The following SRGAP2 variants were observed in gnomAD, a reference collection of about 807,000 sequenced individuals.
The protein encoded by SRGAP2 is SLIT-ROBO Rho GTPase-activating protein 2.
In SRGAP2, 15 loss-of-function variants were observed where a neutral mutation model predicts 57.2. That is an observed-to-expected ratio of 0.26 (90% CI 0.18 to 0.40). SRGAP2 has a LOEUF of 0.40. SRGAP2 is among the 10% of genes least tolerant of loss of function. The pLI is 1.00. For synonymous variants in SRGAP2, 249 were observed against 248.0 expected, an observed-to-expected ratio of 1.00 and a Z score of -0.04; for missense variants, 520 against 669.6, an observed-to-expected ratio of 0.78 and a Z score of 2.47.
chr1:206,414,011 C>T (rs569434682), intron 10 of SRGAP2, among the ~76,000 whole-genome samples: 1 of 150,874 alleles, frequency 6.6e-6, no homozygotes, highest in African/African-American at 2.4e-5. Flanking sequence ...CACATTTGTT[C>T]ACTTTTCTTT....
chr1:206,430,564 A>G (rs1366370488), intron 14 of SRGAP2, among the ~76,000 whole-genome samples: 2 of 152,228 alleles, frequency 1.3e-5, no homozygotes, highest in African/African-American at 2.4e-5. Context: ...AAGTGTGGGT[A>G]TCTCCCACTG....
At chr1:206,306,984 G>C (rs1672249448) in intron 3 of SRGAP2, among the ~76,000 whole-genome samples, 1 of 151,282 alleles carries the variant, frequency 6.6e-6, no homozygotes, top group Non-Finnish European at 1.5e-5. Context: ...CTAAACACAG[G>C]GTGCTGATTG....
intron 7 of SRGAP2, among the ~76,000 whole-genome samples, chr1:206,397,163 G>T (rs1553353790): frequency 6.6e-6 from 1 of 152,032 alleles, no homozygotes; most frequent in Non-Finnish European, 1.5e-5. Context: ...TTTGCCCATT[G>T]TAGAACTTCA....
At chr1:206,413,123 G>A (rs1659361705) in intron 10 of SRGAP2, among the ~76,000 whole-genome samples, 1 of 152,224 alleles carries the variant, frequency 6.6e-6, no homozygotes, top group Non-Finnish European at 1.5e-5. Context: ...GGAATCACAA[G>A]TAGTGAGAGG....
rs556156798 is a variant in SRGAP2 at position 206,432,705 on chromosome 1, G to A, written c.1555+2483G>A. ...ATGTAGAATACTACAGATGCTCCTC[G>A]GCCTCTAATGGGGTTACGTACGCAT... On this transcript the variant is annotated intron_variant, in intron 14 of 22. Transcript: ENST00000573034. 7.9e-5 allele frequency among the ~76,000 whole-genome samples: 12 copies of A among 152,288 alleles called. No individual in the cohort carries two copies. In the South Asian group the frequency reaches 1.7e-3, roughly 21 times the overall value.
At chr1:206,272,402 AT>A (rs1376634395) in intron 2 of SRGAP2, among the ~76,000 whole-genome samples, 1 of 150,822 alleles carries the variant, frequency 6.6e-6, no homozygotes, top group Non-Finnish European at 1.5e-5. Context: ...CTATAAATTA[AT>A]TTTTTTATTT....
rs180746316 is a variant in SRGAP2, at chr1:206,426,105, A to G, written c.1495-4057A>G. Among the ~76,000 whole-genome samples, 5 of 151,646 alleles carry G rather than the reference A, an allele frequency of 3.3e-5. No homozygotes were observed. In the East Asian group the frequency reaches 9.7e-4, roughly 29 times the overall value. On this transcript the variant is annotated intron_variant, in intron 13 of 22. Transcript: ENST00000573034. ...CAGGTGAGCCACCTCACCTGGCCCA[A>G]CCTCACTTCTTGACCCCTCACTCCC...
Position 206,230,714 on chromosome 1 carries a change from C to T in SRGAP2, c.67+24677C>T, listed in dbSNP as rs1298012648. On this transcript the variant is annotated intron_variant, in intron 2 of 22. Transcript: ENST00000573034. ...CGATCTCGGCTCACTGCAACCTCCA[C>T]CTCCCGGGTTCAAGCAATTCTCCTG... is the stretch of plus-strand genomic sequence containing the variant. Among the ~76,000 whole-genome samples the T allele has an allele frequency of 3.5e-5, 5 of 141,588 alleles. No homozygotes were observed. In the East Asian group the frequency reaches 1.1e-3, roughly 30 times the overall value. The allele number at this position is 141,588 out of a possible 152,430, so 92.9% of individuals were successfully genotyped here. A position where few individuals can be genotyped will look rare whatever the true frequency, so the allele number is the denominator to read the frequency against.
intron 3 of SRGAP2, among the ~76,000 whole-genome samples, chr1:206,333,589 C>T: frequency 6.6e-6 from 1 of 152,158 alleles, no homozygotes; most frequent in East Asian, 1.9e-4. Flanking sequence ...TTTACAGGCA[C>T]AATCATTGTG....
At position 206,267,055 on chromosome 1, in the gene SRGAP2, G is replaced by C. The variant is rs1380196416; in HGVS notation, c.68-36226G>C. Among the ~76,000 whole-genome samples, 3 of 142,578 alleles carry C rather than the reference G, an allele frequency of 2.1e-5. No individual in the cohort carries two copies. The Admixed American group carries it at 2.3e-4, about 11-fold the overall frequency. The allele number at this position is 142,578 out of a possible 152,430, so 93.5% of individuals were successfully genotyped here. On this transcript the variant is annotated intron_variant, in intron 2 of 22. Coordinates refer to ENST00000573034, the MANE Select transcript of SRGAP2 (RefSeq NM_015326.5). ...GCAATCTTGGCTCACTGCAAGCTCC[G>C]CCTCCCGGGTTCACACCATTCTCCT...
intron 5 of SRGAP2, among the ~76,000 whole-genome samples, chr1:206,384,683 C>T (rs1173946088): frequency 2.6e-5 from 4 of 151,354 alleles, no homozygotes; most frequent in Non-Finnish European, 5.9e-5. Flanking sequence ...AGATGACTGG[C>T]GCTTCAGGCA....
intron 2 of SRGAP2, among the ~76,000 whole-genome samples, chr1:206,263,821 G>A (rs1669716610): frequency 6.6e-6 from 1 of 151,914 alleles, no homozygotes; most frequent in Non-Finnish European, 1.5e-5. Flanking sequence ...TGCTATAAAA[G>A]AAAATAAACA....
At chr1:206,381,228 C>G (rs1463756567) in intron 4 of SRGAP2, among the ~76,000 whole-genome samples, 1 of 152,170 alleles carries the variant, frequency 6.6e-6, no homozygotes, top group African/African-American at 2.4e-5. Context: ...CCCCATCCCC[C>G]ACTCTGGGGC....
intron 2 of SRGAP2, among the ~76,000 whole-genome samples, chr1:206,234,565 C>CTTCCTG (rs1667817571): frequency 6.6e-6 from 1 of 152,210 alleles, no homozygotes; most frequent in South Asian, 2.1e-4. Context: ...AAACAGTGGG[C>CTTCCTG]TTCCTGTGTT....
intron 14 of SRGAP2, among the ~76,000 whole-genome samples, chr1:206,433,154 C>T (rs1661418672): frequency 6.6e-6 from 1 of 152,102 alleles, no homozygotes; most frequent in Non-Finnish European, 1.5e-5. Flanking sequence ...ATCCACGTAT[C>T]TTCTCATTTC....
rs782314702 is a variant in SRGAP2 at position 206,203,803 on chromosome 1, C to A, written c.-543+153C>A. 1.0e-4 allele frequency: 156 copies of A among 1,532,680 alleles called. 2 individuals are homozygous for A. The Middle Eastern group carries it at 1.6e-3, about 16-fold the overall frequency. 94.9% of individuals were successfully genotyped at this position (1,532,680 alleles called of 1,614,324 possible). A position where few individuals can be genotyped will look rare whatever the true frequency, so the allele number is the denominator to read the frequency against. On this transcript the variant is annotated intron_variant, in intron 1 of 22. Coordinates refer to ENST00000573034, the MANE Select transcript of SRGAP2 (RefSeq NM_015326.5). ...CGCCCGGAATCCCTCAGACCGCCCC[C>A]CCTCCACCCTCTCCAAATCTCCCAG...
At chr1:206,204,902 G>T in intron 1 of SRGAP2, 1 of 118,538 alleles carries the variant, frequency 8.4e-6, no homozygotes, top group African/African-American at 4.8e-5. Flanking sequence ...TTTTCCTGCA[G>T]ATTTGCCCCC....
At chr1:206,441,340 G>T (rs1478789386) in intron 17 of SRGAP2, among the ~76,000 whole-genome samples, 2 of 152,166 alleles carry the variant, frequency 1.3e-5, no homozygotes, top group Non-Finnish European at 2.9e-5. Context: ...ATCACCCAGG[G>T]AACGGATGTG....
chr1:206,437,809 G>A (rs1342196241), intron 15 of SRGAP2, 155 bp from the exon 16 acceptor site: 8 of 635,528 alleles, frequency 1.3e-5, no homozygotes, highest in Middle Eastern at 4.3e-4. Context: ...TGCTTTATCT[G>A]TTCCCTGGTC....
Sources: allele counts gnomAD v4.1 joint callset (sites outside exome capture counted in the v4.1 genomes callset), GRCh38; gene constraint gnomAD v4.1.1; transcripts MANE v1.5; gene names NCBI Gene and HGNC (gene_info 2026-07-23, HGNC 2026-07-21).